The following GABBR1 variants were observed in gnomAD, a reference collection of about 807,000 sequenced individuals.
GABBR1 encodes the protein gamma-aminobutyric acid type B receptor subunit 1.
A neutral mutation model predicts 117.7 loss-of-function variants in GABBR1; 35 were observed. The observed-to-expected ratio is 0.30, with a 90% CI of 0.23 to 0.39. GABBR1 has a LOEUF of 0.39. Among genes scored for constraint, GABBR1 ranks in the 10% least tolerant of loss-of-function variants. The pLI is 1.00. For missense variants in GABBR1, 709 were observed against 1,241.8 expected (o/e 0.57, Z 6.45); for synonymous variants, 442 against 486.6 (o/e 0.91, Z 1.21).
chr6:29,615,776 A>C (rs984429355), intron 11 of GABBR1, among the ~76,000 whole-genome samples: 4 of 152,190 alleles, frequency 2.6e-5, no homozygotes, highest in African/African-American at 7.2e-5. Context: ...TTTAAAAATT[A>C]GCCAGACTTG....
chr6:29,616,209 A>C (rs1314429205), intron 11 of GABBR1, among the ~76,000 whole-genome samples: 1 of 152,018 alleles, frequency 6.6e-6, no homozygotes, highest in Non-Finnish European at 1.5e-5. Flanking sequence ...CTCAAAAAAA[A>C]AAATACAAAA....
At chr6:29,610,358 C>A (rs549607512) in intron 14 of GABBR1, among the ~76,000 whole-genome samples, 5 of 152,276 alleles carry the variant, frequency 3.3e-5, no homozygotes, top group African/African-American at 1.2e-4. Context: ...GGGTGACAGG[C>A]ACACTAAACG....
rs576596327 is a variant in GABBR1, at chr6:29,621,502, A to G, written c.1132-210T>C. Among the ~76,000 whole-genome samples, 11 of 152,304 alleles carry G rather than the reference A, an allele frequency of 7.2e-5. No homozygotes were observed. The South Asian group carries it at 2.3e-3, about 32-fold the overall frequency. ...CCTGTATTTCTGAGTGGCCTTTTCC[A>G]GCCAGTCAGGACAGATGGAATTCAT... is the stretch of plus-strand genomic sequence containing the variant. On this transcript the variant is annotated intron_variant, in intron 10 of 22. Transcript: ENST00000377034. This position sits in a 1 kb window ranked among gnomAD's most constrained non-coding sequence, Gnocchi z 5.0.
chr6:29,616,690 A>T (rs1346402060), intron 11 of GABBR1, among the ~76,000 whole-genome samples: 1 of 148,878 alleles, frequency 6.7e-6, no homozygotes, highest in African/African-American at 2.5e-5. Context: ...ATCTCGAGAA[A>T]AAAAAAAAAA....
rs1763920712 is a variant in GABBR1, at chr6:29,623,054, G to A, written c.963+251C>T. On this transcript the variant is annotated intron_variant, in intron 8 of 22. Coordinates refer to ENST00000377034, the MANE Select transcript of GABBR1 (RefSeq NM_001470.4). The surrounding 1 kb of genome is among the most constrained non-coding windows in gnomAD (Gnocchi z 6.2). ...CTTTAACAGAACTGAGTCATTCTGGGTCTATATGTCTGGGGAACAGGGCAT... is the reference window on the plus strand; with the variant it reads ...CTTTAACAGAACTGAGTCATTCTGGATCTATATGTCTGGGGAACAGGGCAT... 6.6e-6 allele frequency among the ~76,000 whole-genome samples: 1 copy of A among 152,008 alleles called. No individual in the cohort carries two copies. The highest frequency in any genetic ancestry group is 2.4e-5 in the African/African-American group (1 of 41,360).
chr6:29,623,925 C>G lies in GABBR1; in HGVS notation c.757G>C (p.Val253Leu). ...TTCCACATCCTAGCAGCCTCAGCCA[C>G]CAGCGTGGAGACAGAGCTGCAGCCA... ...MPGCSSVSTLVAEAARMWNLI... is the reference protein window; with the variant it reads ...MPGCSSVSTLLAEAARMWNLI... Residue 253 changes from valine to leucine, a missense_variant, in exon 7 of 23, where the codon GTG becomes CTG. By Grantham distance (32) the Val-to-Leu change is conservative. This residue lies in a region of GABBR1 where 192 missense variants were observed against 418.4 expected (regional missense o/e 0.46). Transcript: ENST00000377034. This position sits in a 1 kb window ranked among gnomAD's most constrained non-coding sequence, Gnocchi z 6.2. The G allele has an allele frequency of 6.2e-7, 1 of 1,612,966 alleles. No homozygotes were observed. Among genetic ancestry groups the G allele is most frequent in the South Asian group, 1.1e-5 (1 of 91,072 alleles).
At position 29,606,167 on chromosome 6, in the gene GABBR1, T is replaced by C; in HGVS notation, c.2311+224A>G. ...TCCTCTGCTGAACACAAGTTCTTCATCTGTGCTTTCTGTGCTTTGGGCCCT... is the reference window on the plus strand; with the variant it reads ...TCCTCTGCTGAACACAAGTTCTTCACCTGTGCTTTCTGTGCTTTGGGCCCT... On this transcript the variant is annotated intron_variant, in intron 19 of 22. Transcript: ENST00000377034. The surrounding 1 kb of genome is among the most constrained non-coding windows in gnomAD (Gnocchi z 4.5). The C allele has an allele frequency of 1.7e-6, 1 of 573,412 alleles. No homozygotes were observed. Among genetic ancestry groups the C allele is most frequent in the Admixed American group, 3.0e-5 (1 of 33,306 alleles). The allele number at this position is 573,412 out of a possible 1,614,324, so 35.5% of individuals were successfully genotyped here. A position where few individuals can be genotyped will look rare whatever the true frequency, so the allele number is the denominator to read the frequency against.
intron 6 of GABBR1, among the ~76,000 whole-genome samples, chr6:29,624,793 G>A (rs951692759): frequency 6.6e-6 from 1 of 152,032 alleles, no homozygotes; most frequent in Non-Finnish European, 1.5e-5. Context: ...GAGAAGAAAG[G>A]AAGCTTGGGA....
At chr6:29,629,157 G>C (rs1483039722) in intron 4 of GABBR1, 50 bp from the exon 5 acceptor site, 1 of 1,608,386 alleles carries the variant, frequency 6.2e-7, no homozygotes, top group African/African-American at 1.3e-5. Flanking sequence ...CTGGCGCCCA[G>C]CTTCCCTGGC....
In GABBR1 at chr6:29,621,879, G is replaced by T. The variant is rs1213906773; in HGVS notation, c.1066-62C>A. On this transcript the variant is annotated intron_variant, in intron 9 of 22. Coordinates refer to ENST00000377034, the MANE Select transcript of GABBR1 (RefSeq NM_001470.4). This position sits in a 1 kb window ranked among gnomAD's most constrained non-coding sequence, Gnocchi z 5.0. The stretch of plus-strand genomic sequence containing the variant: ...CGGGAATGCCTGAGGGGCTAAGCCA[G>T]ATGTCTTCACAGCTTTGATTTCCCA... 1.4e-5 allele frequency: 21 copies of T among 1,537,458 alleles called. No individual in the cohort carries two copies. The highest frequency in any genetic ancestry group is 5.5e-5 in the African/African-American group (4 of 73,348).
In GABBR1 at chr6:29,609,579, A is replaced by G. The variant is rs1418500771; in HGVS notation, c.1709-200T>C. Among the ~76,000 whole-genome samples, 1 of 152,234 alleles carries G rather than the reference A, an allele frequency of 6.6e-6. No homozygotes were observed. The highest frequency in any genetic ancestry group is 1.5e-5 in the Non-Finnish European group (1 of 68,042). On this transcript the variant is annotated intron_variant, in intron 14 of 22. Coordinates refer to ENST00000377034, the MANE Select transcript of GABBR1 (RefSeq NM_001470.4). This position sits in a 1 kb window ranked among gnomAD's most constrained non-coding sequence, Gnocchi z 4.3. ...CTCAGTGCCACTGGGGCCGTTAGGA[A>G]GCAACCAGAAATGAGATGAGAAGAT...
At chr6:29,612,684 CTT>C in intron 12 of GABBR1, 70 bp from the exon 13 acceptor site, 1 of 1,289,444 alleles carries the variant, frequency 7.8e-7, no homozygotes, top group Non-Finnish European at 1.1e-6. Flanking sequence ...ATCAGGGACT[CTT>C]TAAATCCTTC....
Position 29,609,159 on chromosome 6 carries a change from T to G in GABBR1, c.1859+70A>C. ...CATGGGAGTTACACAGGTTTTATTCTCATCCTGTCCAGGAACATGATCAGT... is the reference window on the plus strand; with the variant it reads ...CATGGGAGTTACACAGGTTTTATTCGCATCCTGTCCAGGAACATGATCAGT... On this transcript the variant is annotated intron_variant, in intron 15 of 22. Transcript: ENST00000377034. The surrounding 1 kb of genome is among the most constrained non-coding windows in gnomAD (Gnocchi z 4.3). 6.8e-7 allele frequency: 1 copy of G among 1,467,734 alleles called. No individual in the cohort carries two copies. The allele number at this position is 1,467,734 out of a possible 1,614,324, so 90.9% of individuals were successfully genotyped here. A position where few individuals can be genotyped will look rare whatever the true frequency, so the allele number is the denominator to read the frequency against.
chr6:29,605,745 C>T lies in GABBR1; in HGVS notation c.2312-49G>A. 1.3e-6 allele frequency: 2 copies of T among 1,597,114 alleles called. No homozygotes were observed. The highest frequency in any genetic ancestry group is 8.5e-7 in the Non-Finnish European group (1 of 1,175,614). On this transcript the variant is annotated intron_variant, in intron 19 of 22. Coordinates refer to ENST00000377034, the MANE Select transcript of GABBR1 (RefSeq NM_001470.4). The surrounding 1 kb of genome is among the most constrained non-coding windows in gnomAD (Gnocchi z 4.2). ...TTGAGCAACAAGGACCACAATGCTC[C>T]TCACTCAATCCCCATCCCCTCTCTG...
Position 29,606,428 on chromosome 6 carries a change from C to T in GABBR1, c.2274G>A (p.Leu758=). 6.2e-7 allele frequency: 1 copy of T among 1,613,046 alleles called. No individual in the cohort carries two copies. The highest frequency in any genetic ancestry group is 8.5e-7 in the Non-Finnish European group (1 of 1,179,898). Residue 758 remains leucine, a synonymous_variant, in exon 19 of 23, where the codon CTG becomes CTA. Transcript: ENST00000377034. This position sits in a 1 kb window ranked among gnomAD's most constrained non-coding sequence, Gnocchi z 4.5. The part of the protein sequence containing the change: ...EDIDVSILPQ[L]EHCSSRKMNT... ...TCATCTTCCTGGAGCTGCAATGCTC[C>T]AGCTGGGGCAGAATAGAGACGTCAA...
chr6:29,617,876 C>T (rs1043914399), intron 11 of GABBR1, among the ~76,000 whole-genome samples: 4 of 152,164 alleles, frequency 2.6e-5, no homozygotes, highest in East Asian at 1.9e-4. Flanking sequence ...GTCCTTAGGA[C>T]GTATCGAGCA....
At chr6:29,619,253 CA>C (rs1405066202) in intron 11 of GABBR1, among the ~76,000 whole-genome samples, 1 of 152,244 alleles carries the variant, frequency 6.6e-6, no homozygotes, top group Non-Finnish European at 1.5e-5. Context: ...CCCCTAGGTC[CA>C]ACCCTTGCTT....
At position 29,608,559 on chromosome 6, in the gene GABBR1, G is replaced by A. The variant is rs754295052; in HGVS notation, c.1992+42C>T. On this transcript the variant is annotated intron_variant, in intron 16 of 22. Transcript: ENST00000377034. ...TGGAAGGTGCTCCTGAGACGGGTGGGAGAGTCACATCCTGTAAGGAATTTG... is the reference window on the plus strand; with the variant it reads ...TGGAAGGTGCTCCTGAGACGGGTGGAAGAGTCACATCCTGTAAGGAATTTG... 3 of 1,598,206 alleles carry A rather than the reference G, an allele frequency of 1.9e-6. No homozygotes were observed. In the Admixed American group the frequency reaches 5.1e-5, roughly 27 times the overall value.
chr6:29,603,769 G>A, intron 22 of GABBR1, 53 bp from the exon 23 acceptor site: 1 of 1,350,584 alleles, frequency 7.4e-7, no homozygotes, highest in Non-Finnish European at 9.7e-7. Context: ...TGATGAAGGA[G>A]TGGGGAGGAG....
Sources: allele counts gnomAD v4.1 joint callset (sites outside exome capture counted in the v4.1 genomes callset), GRCh38; gene constraint gnomAD v4.1.1; regional missense constraint gnomAD v4.1.1; non-coding constraint Gnocchi (gnomAD v3.1); transcripts MANE v1.5; gene names NCBI Gene and HGNC (gene_info 2026-07-23, HGNC 2026-07-21).